Variants in CTNNA3 observed in about 807,000 individuals in gnomAD.
The protein encoded by CTNNA3 is catenin alpha 3.
In CTNNA3, 76 loss-of-function variants were observed where a neutral mutation model predicts 95.7. The ratio of observed to expected loss-of-function variants is 0.79; its 90% CI spans 0.66 to 0.96. CTNNA3 has a LOEUF of 0.96. CTNNA3 is among the 40% of genes least tolerant of loss of function. CTNNA3 has a pLI of 0.00. For missense variants in CTNNA3, 1,191 were observed against 1,089.8 expected (o/e 1.09, Z -1.31); for synonymous variants, 431 against 374.4 (o/e 1.15, Z -1.74).
intron 11 of CTNNA3, 144 bp from the exon 12 acceptor site, chr10:66,379,496 G>A (rs2092820612): frequency 1.4e-6 from 1 of 710,854 alleles, no homozygotes; most frequent in Non-Finnish European, 2.3e-6. Flanking sequence ...TAAAAAAATT[G>A]GAGACATATT....
intron 13 of CTNNA3, among the ~76,000 whole-genome samples, chr10:66,222,905 G>T (rs765226716): frequency 1.1e-4 from 17 of 151,986 alleles, no homozygotes; most frequent in Admixed American, 5.2e-4. Context: ...AGTTCAACTG[G>T]TCAAATACTC....
intron 12 of CTNNA3, among the ~76,000 whole-genome samples, chr10:66,331,949 C>T (rs2092335708): frequency 1.3e-5 from 2 of 151,886 alleles, no homozygotes; most frequent in Non-Finnish European, 2.9e-5. Flanking sequence ...GAATGTTCTT[C>T]CATTTGTTTG....
intron 3 of CTNNA3, among the ~76,000 whole-genome samples, chr10:67,550,972 G>A (rs1235845743): frequency 1.3e-5 from 2 of 152,168 alleles, no homozygotes; most frequent in African/African-American, 4.8e-5. Context: ...AGGAGGCAGA[G>A]AAGAGCTGGG....
intron 8 of CTNNA3, among the ~76,000 whole-genome samples, chr10:66,770,736 G>A (rs1298129376): frequency 5.3e-5 from 8 of 152,100 alleles, no homozygotes; most frequent in Admixed American, 5.2e-4. Context: ...ATTGTGATGG[G>A]AAGGGGAATG....
intron 10 of CTNNA3, among the ~76,000 whole-genome samples, chr10:66,560,805 C>T (rs970193653): frequency 1.3e-5 from 2 of 151,682 alleles, no homozygotes; most frequent in African/African-American, 2.4e-5. Context: ...AGGATTCATG[C>T]GTCTATAAAA....
At chr10:65,962,024 A>G (rs1397985209) in intron 17 of CTNNA3, among the ~76,000 whole-genome samples, 2 of 152,140 alleles carry the variant, frequency 1.3e-5, no homozygotes, top group Non-Finnish European at 2.9e-5. Context: ...GACTCACTTT[A>G]TGGAGATGGT....
chr10:66,504,780 G>T (rs72791592), intron 11 of CTNNA3, among the ~76,000 whole-genome samples: 23,197 of 151,998 alleles, frequency 0.15, 1,857 homozygotes, highest in Middle Eastern at 0.17. Flanking sequence ...ACTCTCTATT[G>T]CTTTGTTGAA....
intron 13 of CTNNA3, among the ~76,000 whole-genome samples, chr10:66,122,521 G>T (rs573004417): frequency 1.3e-4 from 20 of 152,190 alleles, no homozygotes; most frequent in African/African-American, 4.3e-4. Flanking sequence ...TAAATACCAA[G>T]AAAGTACAGC....
chr10:66,775,804 A>G (rs1244830297), intron 7 of CTNNA3, among the ~76,000 whole-genome samples: 7 of 152,134 alleles, frequency 4.6e-5, no homozygotes, highest in African/African-American at 1.7e-4. Flanking sequence ...TGAAACTCTG[A>G]TCTTCATTTT....
intron 2 of CTNNA3, among the ~76,000 whole-genome samples, chr10:67,631,430 C>G (rs147041817): frequency 4.9e-4 from 75 of 152,110 alleles, no homozygotes; most frequent in African/African-American, 1.8e-3. Flanking sequence ...TATCTATGAC[C>G]AATTACTCCA....
intron 15 of CTNNA3, among the ~76,000 whole-genome samples, chr10:66,024,084 C>CTTTTTTTTTTTTTTTT (rs1183185763): frequency 2.7e-4 from 17 of 62,658 alleles, no homozygotes; most frequent in Admixed American, 9.2e-4. Context: ...ATACCATACA[C>CTTTTTTTTTTTTTTTT]ATTTTTTTTT....
At chr10:66,488,514 G>A (rs996939165) in intron 11 of CTNNA3, among the ~76,000 whole-genome samples, 1 of 152,138 alleles carries the variant, frequency 6.6e-6, no homozygotes, top group African/African-American at 2.4e-5. Flanking sequence ...CAAAGATAAT[G>A]ATAATGGAAT....
intron 5 of CTNNA3, among the ~76,000 whole-genome samples, chr10:67,498,938 C>G (rs1324759383): frequency 2.6e-5 from 4 of 152,148 alleles, no homozygotes; most frequent in Non-Finnish European, 4.4e-5. Context: ...CTTTCTCTTG[C>G]CTGATTGCCC....
At chr10:66,558,512 T>A (rs974325928) in intron 10 of CTNNA3, among the ~76,000 whole-genome samples, 2 of 152,124 alleles carry the variant, frequency 1.3e-5, no homozygotes, top group Non-Finnish European at 2.9e-5. Flanking sequence ...AAGTAGTACT[T>A]TTGTCTTATA....
Position 66,369,763 on chromosome 10 carries a change from T to A in CTNNA3, c.1732+9389A>T, listed in dbSNP as rs529864095. ...TGCCCTTTCAGCATTTGCTTTTACG[T>A]CCATGAAGTCTGATAGCATAAATGC... On this transcript the variant is annotated intron_variant, in intron 12 of 17. Transcript: ENST00000433211. Among the ~76,000 whole-genome samples the A allele has an allele frequency of 5.9e-5, 9 of 152,286 alleles. No individual in the cohort carries two copies. In the East Asian group the frequency reaches 1.4e-3, roughly 23 times the overall value.
At chr10:66,012,299 G>C (rs2079019595) in intron 15 of CTNNA3, among the ~76,000 whole-genome samples, 1 of 152,144 alleles carries the variant, frequency 6.6e-6, no homozygotes, top group Non-Finnish European at 1.5e-5. Context: ...TAAAATACTT[G>C]TTGGTGTGGG....
intron 5 of CTNNA3, among the ~76,000 whole-genome samples, chr10:67,291,268 T>C (rs1016540541): frequency 3.3e-5 from 5 of 152,030 alleles, no homozygotes; most frequent in Admixed American, 3.3e-4. Context: ...CTATGGTAAA[T>C]AAAAATAACC....
At chr10:66,633,560 G>C (rs887250022) in intron 9 of CTNNA3, among the ~76,000 whole-genome samples, 8 of 151,952 alleles carry the variant, frequency 5.3e-5, no homozygotes, top group Admixed American at 2.6e-4. Context: ...GGCACTTGTA[G>C]TCCCAGCTAC....
Position 66,313,781 on chromosome 10 carries a change from G to GT in CTNNA3, c.1733-33161dup, listed in dbSNP as rs576396949. Among the ~76,000 whole-genome samples, 301 of 152,252 alleles carry GT rather than the reference G, an allele frequency of 2.0e-3. 1 individual carries two copies. Among genetic ancestry groups the GT allele is most frequent in the Middle Eastern group, 3.4e-3 (1 of 294 alleles). On this transcript the variant is annotated intron_variant, in intron 12 of 17. Coordinates refer to ENST00000433211, the MANE Select transcript of CTNNA3 (RefSeq NM_013266.4). ...AGTGAATGAATATATGCAGTAAAGC[G>GT]TAAGAGCCTGATTCAGAGCCTGGTA...
Sources: allele counts gnomAD v4.1 joint callset (sites outside exome capture counted in the v4.1 genomes callset), GRCh38; gene constraint gnomAD v4.1.1; transcripts MANE v1.5; gene names NCBI Gene and HGNC (gene_info 2026-07-23, HGNC 2026-07-21).